Variants in SCMH1 observed in about 807,000 individuals in gnomAD.
SCMH1 encodes the protein polycomb protein SCMH1.
SCMH1 carries 37 observed loss-of-function variants against 70.8 expected under a neutral mutation model. That is an observed-to-expected ratio of 0.52 (90% confidence interval 0.40 to 0.69). The LOEUF is 0.69. SCMH1 is among the 30% of genes least tolerant of loss of function. The probability of loss-of-function intolerance (pLI) is 0.00; values close to 1 mark genes in which losing one functional copy is unlikely to be tolerated. For missense variants in SCMH1, 607 were observed against 827.3 expected (o/e 0.73, Z 3.27); for synonymous variants, 292 against 307.4 (o/e 0.95, Z 0.52).
At chr1:41,199,060 GC>G (rs1412645766) in intron 1 of SCMH1, among the ~76,000 whole-genome samples, 2 of 152,176 alleles carry the variant, frequency 1.3e-5, no homozygotes, top group Non-Finnish European at 2.9e-5. Context: ...AGGAAAAGAG[GC>G]TAGGATCATT....
intron 8 of SCMH1, among the ~76,000 whole-genome samples, chr1:41,108,611 G>C (rs1177546941): frequency 6.6e-6 from 1 of 152,214 alleles, no homozygotes; most frequent in Non-Finnish European, 1.5e-5. Flanking sequence ...ACCCATCAGA[G>C]TTGGCTTGGC....
chr1:41,151,716 C>A, intron 4 of SCMH1, 32 bp from the exon 5 acceptor site: 1 of 1,508,732 alleles, frequency 6.6e-7, no homozygotes, highest in Non-Finnish European at 9.1e-7. Context: ...ATATCACAGT[C>A]AACTTCCTAA....
At chr1:41,165,235 T>G (rs1396846783) in intron 2 of SCMH1, among the ~76,000 whole-genome samples, 1 of 152,148 alleles carries the variant, frequency 6.6e-6, no homozygotes, top group Non-Finnish European at 1.5e-5. Flanking sequence ...TAAGGCAGAA[T>G]GTATTCCATT....
chr1:41,045,871 A>AAAGCTTTCCCAT (rs1646839434), intron 12 of SCMH1: 1 of 152,666 alleles, frequency 6.6e-6, no homozygotes, highest in Non-Finnish European at 1.5e-5. Flanking sequence ...TGGGTCTGGT[A>AAAGCTTTCCCAT]TGTTAACTAA....
chr1:41,179,178 T>A (rs1012097447), intron 2 of SCMH1, among the ~76,000 whole-genome samples: 1 of 152,132 alleles, frequency 6.6e-6, no homozygotes, highest in Non-Finnish European at 1.5e-5. Context: ...AGATGTTCTT[T>A]GAAACCAACG....
intron 4 of SCMH1, among the ~76,000 whole-genome samples, chr1:41,155,507 A>AAACCAAAC (rs1645442351): frequency 6.6e-6 from 1 of 151,968 alleles, no homozygotes; most frequent in Non-Finnish European, 1.5e-5. Flanking sequence ...ACATGGAGCA[A>AAACCAAAC]AAACAAACAA....
At chr1:41,201,020 C>T (rs1259718065) in intron 1 of SCMH1, among the ~76,000 whole-genome samples, 1 of 152,128 alleles carries the variant, frequency 6.6e-6, no homozygotes. Flanking sequence ...TCAACTTTAA[C>T]CTCTTACAGT....
chr1:41,169,511 T>A (rs1646645444), intron 2 of SCMH1, among the ~76,000 whole-genome samples: 1 of 152,212 alleles, frequency 6.6e-6, no homozygotes, highest in South Asian at 2.1e-4. Context: ...AACTCATCTA[T>A]GCCTAGTCCC....
intron 5 of SCMH1, among the ~76,000 whole-genome samples, chr1:41,150,665 G>A (rs759039851): frequency 1.3e-5 from 2 of 151,958 alleles, no homozygotes; most frequent in Non-Finnish European, 2.9e-5. Flanking sequence ...GGCCGGGCAC[G>A]GTGGCTCATG....
intron 10 of SCMH1, among the ~76,000 whole-genome samples, chr1:41,063,030 A>C (rs1274655738): frequency 6.6e-6 from 1 of 152,182 alleles, no homozygotes; most frequent in African/African-American, 2.4e-5. Context: ...CTGAATGCAG[A>C]TATTAGAAAA....
At chr1:41,078,301 G>A (rs1258064050) in intron 8 of SCMH1, among the ~76,000 whole-genome samples, 1 of 152,088 alleles carries the variant, frequency 6.6e-6, no homozygotes, top group African/African-American at 2.4e-5. Context: ...ACAGGGAGAA[G>A]ACAGATAGAA....
intron 4 of SCMH1, chr1:41,152,488 G>A (rs543996722): frequency 8.4e-7 from 1 of 1,194,786 alleles, no homozygotes; most frequent in African/African-American, 1.5e-5. Context: ...TGGGGGAAGG[G>A]AAAACATCTT....
chr1:41,109,080 A>G (rs1668656560), intron 8 of SCMH1, among the ~76,000 whole-genome samples: 1 of 152,210 alleles, frequency 6.6e-6, no homozygotes, highest in Non-Finnish European at 1.5e-5. Context: ...TGAAAACAAT[A>G]TGCCTCAGTG....
At chr1:41,172,906 T>A (rs1646880201) in intron 2 of SCMH1, among the ~76,000 whole-genome samples, 1 of 151,802 alleles carries the variant, frequency 6.6e-6, no homozygotes, top group Admixed American at 6.6e-5. Context: ...TAAAACTAGA[T>A]CCCTACCTCT....
intron 13 of SCMH1, among the ~76,000 whole-genome samples, chr1:41,036,698 TTTTCTC>T (rs1362773991): frequency 1.3e-5 from 2 of 152,230 alleles, no homozygotes; most frequent in African/African-American, 4.8e-5. Flanking sequence ...CTTTCCAGGC[TTTTCTC>T]TTTGAGTCTC....
intron 8 of SCMH1, among the ~76,000 whole-genome samples, chr1:41,111,313 C>G (rs1330565723): frequency 6.6e-6 from 1 of 152,118 alleles, no homozygotes; most frequent in Non-Finnish European, 1.5e-5. Context: ...TGATTTGGCA[C>G]CTGTCCACTT....
At chr1:41,061,821 T>C (rs1652759357) in intron 10 of SCMH1, among the ~76,000 whole-genome samples, 1 of 152,212 alleles carries the variant, frequency 6.6e-6, no homozygotes, top group African/African-American at 2.4e-5. Flanking sequence ...TAGATCACAT[T>C]CTGGACCATA....
At chr1:41,046,290 A>ATCT in intron 12 of SCMH1, 117 bp downstream of exon 12, 1 of 757,570 alleles carries the variant, frequency 1.3e-6, no homozygotes, top group Admixed American at 2.7e-5. Context: ...ACAGAAAAGC[A>ATCT]GACCTCTAGA....
intron 1 of SCMH1, among the ~76,000 whole-genome samples, chr1:41,195,244 C>G (rs1323503125): frequency 2.7e-5 from 4 of 145,640 alleles, no homozygotes; most frequent in African/African-American, 1.0e-4. Context: ...ACCGATCATA[C>G]AGAAATGAAT....
Sources: gnomAD v4.1 joint callset for allele counts (sites outside exome capture counted in the v4.1 genomes callset) on GRCh38, gnomAD v4.1.1 for gene constraint, MANE v1.5 for transcripts, NCBI Gene and HGNC (gene_info 2026-07-23, HGNC 2026-07-21) for gene names.